The following ERICH6 variants were observed in gnomAD, a reference collection of about 807,000 sequenced individuals.
ERICH6 encodes the protein glutamate rich 6.
In ERICH6, 71 loss-of-function variants were observed where a neutral mutation model predicts 71.0. The ratio of observed to expected loss-of-function variants is 1.00; its 90% CI spans 0.83 to 1.22. ERICH6 has a LOEUF of 1.22. Among genes scored for constraint, ERICH6 ranks in the 50% most tolerant of loss-of-function variants. ERICH6 has a pLI of 0.00. For synonymous variants in ERICH6, 262 were observed against 278.4 expected, an observed-to-expected ratio of 0.94 and a Z score of 0.59; for missense variants, 808 against 797.2, an observed-to-expected ratio of 1.01 and a Z score of -0.16.
In ERICH6 at chr3:150,680,491, T is replaced by A. The variant is rs551821428; in HGVS notation, c.1088A>T (p.Glu363Val). ...MARHFAIISR[E>V]QTHFSEDDSK... ...ACCATCTTCAGAGAAATGAGTCTGT[T>A]CCCTTGATATTATTGCAAAATGTCT... The change falls in exon 9 of 14, where the codon GAA (glutamate) becomes GTA (valine). Residue 363 changes from glutamate (E) to valine (V), a missense_variant. By Grantham distance (121) the Glu-to-Val change is moderately radical. Coordinates refer to ENST00000295910, the MANE Select transcript of ERICH6 (RefSeq NM_152394.5). 1,256 of 1,614,228 alleles carry A rather than the reference T, an allele frequency of 7.8e-4. 12 individuals are homozygous for A. The South Asian group carries it at 0.013, about 17-fold the overall frequency.
At chr3:150,695,602 A>G (rs1712626761) in intron 3 of ERICH6, among the ~76,000 whole-genome samples, 1 of 152,094 alleles carries the variant, frequency 6.6e-6, no homozygotes, top group African/African-American at 2.4e-5. Context: ...TGGGAGGCGG[A>G]GGTTACAGTG....
chr3:150,670,256 G>C (rs546192968), intron 11 of ERICH6, among the ~76,000 whole-genome samples: 91 of 151,964 alleles, frequency 6.0e-4, no homozygotes, highest in African/African-American at 2.1e-3. Flanking sequence ...AGGCTGAGGC[G>C]GGTGGATCAT....
At chr3:150,692,784 C>T (rs578190805) in intron 3 of ERICH6, among the ~76,000 whole-genome samples, 1 of 151,810 alleles carries the variant, frequency 6.6e-6, no homozygotes, top group East Asian at 1.9e-4. Flanking sequence ...TTTTGTCGTC[C>T]CCAGACAATT....
intron 11 of ERICH6, among the ~76,000 whole-genome samples, chr3:150,670,559 G>T (rs1711498677): frequency 6.6e-6 from 1 of 151,404 alleles, no homozygotes. Flanking sequence ...ATCCAGATTG[G>T]AAAGGGAAGT....
At chr3:150,688,231 C>G (rs1353476662) in intron 3 of ERICH6, among the ~76,000 whole-genome samples, 1 of 152,072 alleles carries the variant, frequency 6.6e-6, no homozygotes, top group African/African-American at 2.4e-5. Context: ...TTTTAGGCAT[C>G]TTTCTCTATA....
At chr3:150,685,890 G>A (rs1712163170) in intron 5 of ERICH6, 32 bp from the exon 6 acceptor site, 1 of 1,606,484 alleles carries the variant, frequency 6.2e-7, no homozygotes, top group South Asian at 1.1e-5. Flanking sequence ...GGTGGTGAGG[G>A]GAAATAATTG....
At chr3:150,676,130 T>C (rs1160541238) in intron 10 of ERICH6, among the ~76,000 whole-genome samples, 1 of 152,076 alleles carries the variant, frequency 6.6e-6, no homozygotes, top group African/African-American at 2.4e-5. Context: ...TTTCTTGCCT[T>C]TTTTAATCCC....
At chr3:150,687,964 T>A (rs1021705504) in intron 3 of ERICH6, among the ~76,000 whole-genome samples, 4 of 151,718 alleles carry the variant, frequency 2.6e-5, no homozygotes, top group East Asian at 3.9e-4. Context: ...TGAAAAACTT[T>A]AAAAAAAATT....
intron 13 of ERICH6, among the ~76,000 whole-genome samples, chr3:150,663,394 A>G (rs556531066): frequency 3.3e-5 from 5 of 152,266 alleles, no homozygotes; most frequent in African/African-American, 1.2e-4. Flanking sequence ...TGTAGTTGCC[A>G]TTTTCTGAGA....
intron 11 of ERICH6, among the ~76,000 whole-genome samples, chr3:150,673,381 C>T (rs1711535704): frequency 6.6e-6 from 1 of 151,874 alleles, no homozygotes; most frequent in South Asian, 2.1e-4. Flanking sequence ...TAGAGATGAG[C>T]TCTCACTATG....
intron 10 of ERICH6, among the ~76,000 whole-genome samples, chr3:150,675,858 CTTTTT>C (rs75713453): frequency 7.6e-6 from 1 of 130,938 alleles, no homozygotes. Flanking sequence ...TCTTTCTTTC[CTTTTT>C]TTTTTTTTTG....
intron 3 of ERICH6, among the ~76,000 whole-genome samples, chr3:150,695,422 C>T (rs1472638347): frequency 6.6e-6 from 1 of 151,962 alleles, no homozygotes; most frequent in Non-Finnish European, 1.5e-5. Flanking sequence ...GAGGCCGAGG[C>T]GGGCAGATCA....
At chr3:150,691,767 A>C (rs374930857) in intron 3 of ERICH6, among the ~76,000 whole-genome samples, 11 of 152,148 alleles carry the variant, frequency 7.2e-5, no homozygotes, top group African/African-American at 2.6e-4. Flanking sequence ...TTCTGTATGC[A>C]CTTTTAAAGT....
At chr3:150,678,029 C>G (rs1208563409) in intron 10 of ERICH6, among the ~76,000 whole-genome samples, 4 of 152,178 alleles carry the variant, frequency 2.6e-5, no homozygotes, top group African/African-American at 9.7e-5. Context: ...AAATTACACT[C>G]TTAATTTAAT....
chr3:150,702,087 T>A, intron 2 of ERICH6, 34 bp downstream of exon 2: 2 of 1,387,750 alleles, frequency 1.4e-6, no homozygotes, highest in Middle Eastern at 2.3e-4. Flanking sequence ...ATTATTGGGT[T>A]CAAAAAATGT....
chr3:150,668,296 G>T (rs2108042577), intron 12 of ERICH6, among the ~76,000 whole-genome samples: 1 of 152,232 alleles, frequency 6.6e-6, no homozygotes, highest in Middle Eastern at 3.4e-3. Context: ...AAGGGAAATG[G>T]ACTCACTACA....
chr3:150,677,553 G>A lies in ERICH6; in HGVS notation c.1257+856C>T, dbSNP rs555276490. 4.6e-5 allele frequency among the ~76,000 whole-genome samples: 7 copies of A among 151,746 alleles called. No individual in the cohort carries two copies. In the South Asian group the frequency reaches 8.3e-4, roughly 18 times the overall value. On this transcript the variant is annotated intron_variant, in intron 10 of 13. Coordinates refer to ENST00000295910, the MANE Select transcript of ERICH6 (RefSeq NM_152394.5). ...GCTCTGTCACCCAGGCTGGAGTGCA[G>A]TGGCACAATCTCGGTTCACTGCAAC...
chr3:150,690,074 T>C (rs1437658005), intron 3 of ERICH6, among the ~76,000 whole-genome samples: 3 of 152,214 alleles, frequency 2.0e-5, no homozygotes, highest in Non-Finnish European at 1.5e-5. Context: ...AGCCTCATAA[T>C]AATTCTCCCT....
intron 6 of ERICH6, among the ~76,000 whole-genome samples, chr3:150,684,609 C>T (rs1032429126): frequency 6.6e-6 from 1 of 152,194 alleles, no homozygotes; most frequent in African/African-American, 2.4e-5. Flanking sequence ...GGTTTGGAAA[C>T]AAGCATTCCA....
Sources: allele counts gnomAD v4.1 joint callset (sites outside exome capture counted in the v4.1 genomes callset), GRCh38; gene constraint gnomAD v4.1.1; transcripts MANE v1.5; gene names NCBI Gene and HGNC (gene_info 2026-07-23, HGNC 2026-07-21).